Variants in DAB1 observed in about 807,000 individuals in gnomAD.
DAB1 encodes disabled homolog 1.
Under a neutral mutation model 64.6 loss-of-function variants are expected in DAB1, and 15 were observed. The ratio of observed to expected loss-of-function variants is 0.23; its 90% CI spans 0.16 to 0.36. The LOEUF is 0.36. Ranked by LOEUF, DAB1 falls within the 10% of genes least tolerant of loss-of-function variation. The probability of loss-of-function intolerance (pLI) is 1.00; values close to 1 mark genes in which losing one functional copy is unlikely to be tolerated. For missense variants in DAB1, 596 were observed against 706.7 expected, an observed-to-expected ratio of 0.84 and a Z score of 1.78; for synonymous variants, 235 against 251.9, an observed-to-expected ratio of 0.93 and a Z score of 0.64.
At chr1:57,430,542 AT>A (rs971350471) in intron 7 of DAB1, among the ~76,000 whole-genome samples, 3 of 151,666 alleles carry the variant, frequency 2.0e-5, no homozygotes, top group Non-Finnish European at 4.4e-5. Context: ...TGCCTGGCTA[AT>A]TTTTTTTGTA....
In DAB1 at chr1:57,690,116, C is replaced by A. The variant is rs114378097; in HGVS notation, n.552-40451G>T. 5.2e-3 allele frequency among the ~76,000 whole-genome samples: 784 copies of A among 152,212 alleles called. 8 individuals carry two copies. Among genetic ancestry groups the A allele is most frequent in the African/African-American group, 0.018 (728 of 41,558 alleles). Reference sequence around the variant, plus strand: ...TCTTTTTCATGGCTGAATAGTACTCCATTGTGTAAAAGTACCCATATTTTC... The same window carrying A: ...TCTTTTTCATGGCTGAATAGTACTCAATTGTGTAAAAGTACCCATATTTTC... On this transcript the variant is annotated intron_variant and non_coding_transcript_variant, in intron 6 of 20. Transcript: ENST00000485760.
chr1:57,555,784 CT>C (rs1004671282), intron 7 of DAB1, among the ~76,000 whole-genome samples: 29 of 152,166 alleles, frequency 1.9e-4, no homozygotes, highest in African/African-American at 7.0e-4. Flanking sequence ...CAGTACATCA[CT>C]GTTGATTCTT....
intron 2 of DAB1, among the ~76,000 whole-genome samples, chr1:57,286,913 A>C (rs1419130748): frequency 1.3e-5 from 2 of 152,238 alleles, no homozygotes; most frequent in African/African-American, 4.8e-5. Flanking sequence ...TTAAAAATCT[A>C]TCAGTTAAAT....
intron 5 of DAB1, among the ~76,000 whole-genome samples, chr1:57,990,655 C>T (rs1646320874): frequency 1.3e-5 from 2 of 152,022 alleles, no homozygotes; most frequent in African/African-American, 4.8e-5. Context: ...AGACTGAGGA[C>T]GGGACAGAGT....
intron 1 of DAB1, among the ~76,000 whole-genome samples, chr1:57,351,787 T>C (rs907425034): frequency 6.6e-6 from 1 of 152,022 alleles, no homozygotes. Flanking sequence ...ATGGGGCCAA[T>C]CAGTTGCAAA....
At chr1:57,103,939 G>T (rs1275125628) in intron 4 of DAB1, among the ~76,000 whole-genome samples, 1 of 152,042 alleles carries the variant, frequency 6.6e-6, no homozygotes, top group Non-Finnish European at 1.5e-5. Flanking sequence ...TGAGAGAGAG[G>T]TATGGCAGAT....
At chr1:57,575,048 G>T (rs1011406595) in intron 7 of DAB1, among the ~76,000 whole-genome samples, 6 of 152,168 alleles carry the variant, frequency 3.9e-5, no homozygotes, top group African/African-American at 1.4e-4. Context: ...TGAAACTGCT[G>T]GCCTCATTGC....
chr1:57,129,069 G>C (rs775164522), intron 4 of DAB1, among the ~76,000 whole-genome samples: 5 of 152,156 alleles, frequency 3.3e-5, no homozygotes, highest in Non-Finnish European at 5.9e-5. Flanking sequence ...ACGAGGCCAA[G>C]CATGTAAAAG....
At chr1:57,568,014 G>C (rs905800808) in intron 7 of DAB1, among the ~76,000 whole-genome samples, 1 of 152,166 alleles carries the variant, frequency 6.6e-6, no homozygotes, top group African/African-American at 2.4e-5. Flanking sequence ...CACGCTACCT[G>C]ACCTCAACCT....
At chr1:58,328,305 C>T (rs888148027) in intron 4 of DAB1, among the ~76,000 whole-genome samples, 2 of 152,218 alleles carry the variant, frequency 1.3e-5, no homozygotes, top group African/African-American at 4.8e-5. Context: ...CTAAGTAGCT[C>T]TCAAAGCAGC....
At chr1:57,654,253 G>C (rs575111629) in intron 6 of DAB1, among the ~76,000 whole-genome samples, 1 of 152,282 alleles carries the variant, frequency 6.6e-6, no homozygotes, top group East Asian at 1.9e-4. Flanking sequence ...AAAACACCTA[G>C]TATGTCAGAT....
chr1:57,763,483 G>A (rs1438286944), intron 6 of DAB1, among the ~76,000 whole-genome samples: 1 of 152,084 alleles, frequency 6.6e-6, no homozygotes, highest in Non-Finnish European at 1.5e-5. Flanking sequence ...TTCAAGACAA[G>A]CCTGACAATA....
intron 1 of DAB1, among the ~76,000 whole-genome samples, chr1:57,340,524 C>T (rs548261860): frequency 1.3e-4 from 20 of 152,294 alleles, no homozygotes; most frequent in African/African-American, 4.1e-4. Flanking sequence ...GTGCAGCCAC[C>T]GTGGAAACGC....
chr1:57,818,756 TTATA>T (rs140290222), intron 6 of DAB1, among the ~76,000 whole-genome samples: 1 of 148,212 alleles, frequency 6.7e-6, no homozygotes, highest in Non-Finnish European at 1.5e-5. Context: ...AATAACTACA[TTATA>T]TATATATATA....
At chr1:58,321,204 T>C (rs986247705) in intron 4 of DAB1, among the ~76,000 whole-genome samples, 7 of 152,380 alleles carry the variant, frequency 4.6e-5, no homozygotes, top group Admixed American at 2.0e-4. Context: ...TTAGAATACA[T>C]GTAAATTCTG....
intron 4 of DAB1, among the ~76,000 whole-genome samples, chr1:58,239,576 T>C (rs1660196421): frequency 1.3e-5 from 2 of 152,136 alleles, no homozygotes; most frequent in African/African-American, 4.8e-5. Flanking sequence ...TAGGAGCCCA[T>C]GGAGTGCAGA....
chr1:58,167,896 A>G (rs893221072), intron 4 of DAB1, among the ~76,000 whole-genome samples: 5 of 152,180 alleles, frequency 3.3e-5, no homozygotes, highest in Non-Finnish European at 7.4e-5. Flanking sequence ...CTCTGGACAC[A>G]CCAACTTTAA....
rs117013653 is a variant in DAB1, at chr1:58,339,867, A to C, written n.309+3485T>G. ...ATTTAAAATTAATATTTAAAAATTT[A>C]AATACAAGATTTTATGACATCCTGC... On this transcript the variant is annotated intron_variant and non_coding_transcript_variant, in intron 4 of 20. Coordinates refer to the DAB1 transcript ENST00000485760. Among the ~76,000 whole-genome samples, 367 of 152,294 alleles carry C rather than the reference A, an allele frequency of 2.4e-3. 10 individuals are homozygous for C. In the East Asian group the frequency reaches 0.055, roughly 23 times the overall value.
chr1:57,784,840 G>T (rs1015115962), intron 6 of DAB1, among the ~76,000 whole-genome samples: 2 of 152,216 alleles, frequency 1.3e-5, no homozygotes, highest in African/African-American at 4.8e-5. Context: ...TAAGATCATT[G>T]ATGAAAGTGG....
Sources: allele counts gnomAD v4.1 joint callset (sites outside exome capture counted in the v4.1 genomes callset), GRCh38; gene constraint gnomAD v4.1.1; transcripts MANE v1.5; gene names NCBI Gene and HGNC (gene_info 2026-07-23, HGNC 2026-07-21).